Variants in CALU observed in about 807,000 individuals in gnomAD.
CALU encodes the protein IEF SSP 9302.
In CALU, 13 loss-of-function variants were observed where a neutral mutation model predicts 37.5. The ratio of observed to expected loss-of-function variants is 0.35; its 90% confidence interval spans 0.23 to 0.55. The LOEUF (loss-of-function observed/expected upper bound fraction) is 0.55, where lower values mean the gene tolerates loss of function less well. CALU is among the 20% of genes least tolerant of loss of function. The pLI, the probability that CALU is intolerant of heterozygous loss-of-function variation, is 0.89. For missense variants in CALU, 282 were observed against 391.7 expected (o/e 0.72, Z 2.36); for synonymous variants, 114 against 133.8 (o/e 0.85, Z 1.02).
chr7:128,752,499 C>T (rs917257724), intron 2 of CALU, among the ~76,000 whole-genome samples: 1 of 152,118 alleles, frequency 6.6e-6, no homozygotes, highest in Non-Finnish European at 1.5e-5. Context: ...TATTTCTGAA[C>T]TGTACAGTGG....
At chr7:128,767,012 CAG>C (rs1346529430) in intron 5 of CALU, among the ~76,000 whole-genome samples, 2 of 152,166 alleles carry the variant, frequency 1.3e-5, no homozygotes, top group African/African-American at 4.8e-5. Context: ...TACTCCTTGA[CAG>C]TGTTCCTGTT....
In CALU at chr7:128,768,847, C is replaced by CAAAAAAAAAAAAAAAAAAAAAAAAAA. The variant is rs1012831963; in HGVS notation, c.844-195_844-194insAAAAAAAAAAAAAAAAAAAAAAAAAA. Reference sequence around the variant, plus strand: ...GGGCAACAAGAGCGAAACTCCGTCTCAAAAAAAAAAAAAAAAAAAAACAAG... The same window carrying CAAAAAAAAAAAAAAAAAAAAAAAAAA: ...GGGCAACAAGAGCGAAACTCCGTCTCAAAAAAAAAAAAAAAAAAAAAAAAAAAAAAAAAAAAAAAAAAAAAAACAAG... On this transcript the variant is annotated intron_variant, in intron 6 of 6. Transcript: ENST00000249364. Among the ~76,000 whole-genome samples the CAAAAAAAAAAAAAAAAAAAAAAAAAA allele has an allele frequency of 7.2e-4, 40 of 55,190 alleles. 2 individuals carry two copies. The highest frequency in any genetic ancestry group is 1.2e-3 in the African/African-American group (14 of 11,572). The allele number at this position is 55,190 out of a possible 152,430, so 36.2% of individuals were successfully genotyped here.
chr7:128,760,396 A>G (rs191922276), intron 5 of CALU, among the ~76,000 whole-genome samples: 8 of 152,354 alleles, frequency 5.3e-5, no homozygotes, highest in Admixed American at 5.2e-4. Context: ...TCTAATAGCC[A>G]CATTAAAAAG....
intron 5 of CALU, among the ~76,000 whole-genome samples, chr7:128,764,905 C>T (rs62479586): frequency 1.3e-5 from 2 of 152,058 alleles, no homozygotes; most frequent in Admixed American, 6.5e-5. Context: ...ACATTTTACA[C>T]GCATCCTGTT....
At chr7:128,767,709 G>A in intron 6 of CALU, 54 bp downstream of exon 6, 2 of 1,412,330 alleles carry the variant, frequency 1.4e-6, no homozygotes, top group Admixed American at 1.8e-5. Context: ...TGCTTCTAGG[G>A]GATCACCTGA....
rs11288081 is a variant in CALU at position 128,766,425 on chromosome 7, CTTTTTTTTTTTT to C, written c.644-1021_644-1010del. 6.3e-5 allele frequency among the ~76,000 whole-genome samples: 6 copies of C among 94,976 alleles called. No individual in the cohort carries two copies. In the East Asian group the frequency reaches 2.0e-3, roughly 32 times the overall value. 62.3% of individuals were successfully genotyped at this position (94,976 alleles called of 152,430 possible). The stretch of plus-strand genomic sequence containing the variant: ...AAGACTGACACTAGTATTTCTTTTT[CTTTTTTTTTTTT>C]TTTTTTTTTGAGACGGAGTCTTGCT... On this transcript the variant is annotated intron_variant, in intron 5 of 6. Transcript: ENST00000249364.
chr7:128,766,638 A>G (rs531861778), intron 5 of CALU, among the ~76,000 whole-genome samples: 1 of 152,134 alleles, frequency 6.6e-6, no homozygotes, highest in South Asian at 2.1e-4. Context: ...CATTTTGGCC[A>G]GGCTGGTCTC....
chr7:128,767,328 A>C, intron 5 of CALU, 128 bp from the exon 6 acceptor site: 1 of 727,696 alleles, frequency 1.4e-6, no homozygotes, highest in Non-Finnish European at 2.5e-6. Flanking sequence ...TGTCTGGCCT[A>C]AAATACCCTT....
chr7:128,742,932 A>G (rs1217616440), intron 1 of CALU, among the ~76,000 whole-genome samples: 1 of 152,378 alleles, frequency 6.6e-6, no homozygotes, highest in East Asian at 1.9e-4. Context: ...CATGCTGTCC[A>G]ATAAAAATAT....
At position 128,772,637 on chromosome 7, in the gene CALU, A is replaced by G. The variant is rs779283336; in HGVS notation, c.*3470A>G. 1.2e-6 allele frequency: 2 copies of G among 1,614,128 alleles called. No homozygotes were observed. Among genetic ancestry groups the G allele is most frequent in the Admixed American group, 1.7e-5 (1 of 60,016 alleles). On this transcript the variant is annotated 3_prime_UTR_variant, in exon 7 of 7. Transcript: ENST00000249364. ...ATCTGTCATGGCCTTCCCACACACC[A>G]TCTTCATGATGCAAGCTTGGAACTG...
At chr7:128,741,036 A>G (rs1250796623) in intron 1 of CALU, among the ~76,000 whole-genome samples, 1 of 152,186 alleles carries the variant, frequency 6.6e-6, no homozygotes, top group Non-Finnish European at 1.5e-5. Flanking sequence ...ACCCTAGTAC[A>G]TTGGTGTTAA....
chr7:128,756,307 G>C (rs1800881824), intron 3 of CALU, among the ~76,000 whole-genome samples: 2 of 152,242 alleles, frequency 1.3e-5, no homozygotes, highest in Non-Finnish European at 2.9e-5. Context: ...GTATGATTAT[G>C]TGCATAAAAA....
intron 3 of CALU, chr7:128,754,788 C>T: frequency 2.1e-6 from 2 of 933,450 alleles, no homozygotes; most frequent in South Asian, 3.6e-5. Context: ...ATGGGTCACA[C>T]AGTAAAGGAA....
chr7:128,745,420 AC>A (rs1309563825), intron 1 of CALU, among the ~76,000 whole-genome samples: 1 of 150,464 alleles, frequency 6.6e-6, no homozygotes, highest in African/African-American at 2.4e-5. Flanking sequence ...AGTCTGGGCA[AC>A]ATAGTGAGAC....
intron 1 of CALU, among the ~76,000 whole-genome samples, chr7:128,741,455 G>A (rs529369433): frequency 6.6e-6 from 1 of 152,222 alleles, no homozygotes; most frequent in Non-Finnish European, 1.5e-5. Flanking sequence ...TTCCAGAAAT[G>A]TCGATTCTAA....
At chr7:128,765,208 C>T (rs1801284839) in intron 5 of CALU, among the ~76,000 whole-genome samples, 1 of 152,104 alleles carries the variant, frequency 6.6e-6, no homozygotes, top group Admixed American at 6.6e-5. Context: ...AGCCACCCGA[C>T]CTCCTGTTTC....
At position 128,761,088 on chromosome 7, in the gene CALU, C is replaced by T. The variant is rs1030568569; in HGVS notation, c.643+1236C>T. On this transcript the variant is annotated intron_variant, in intron 5 of 6. Transcript: ENST00000249364. ...TATTTTCTCTCTGATTCTCTGACTA[C>T]TTTCCTTTTGTTTTTTAAGTTTCTC... 9.2e-5 allele frequency among the ~76,000 whole-genome samples: 14 copies of T among 152,228 alleles called. No homozygotes were observed. The East Asian group carries it at 1.7e-3, about 19-fold the overall frequency.
At chr7:128,757,361 G>A in intron 3 of CALU, among the ~76,000 whole-genome samples, 1 of 146,142 alleles carries the variant, frequency 6.8e-6, no homozygotes, top group South Asian at 2.3e-4. Flanking sequence ...GGCTTTGAGT[G>A]TGTGTGTGTG....
chr7:128,748,469 A>G, intron 1 of CALU, 104 bp from the exon 2 acceptor site: 12 of 1,158,470 alleles, frequency 1.0e-5, no homozygotes, highest in Non-Finnish European at 1.3e-5. Context: ...TTGCATAGAT[A>G]TGTATATCAA....
Sources: allele counts gnomAD v4.1 joint callset (sites outside exome capture counted in the v4.1 genomes callset), GRCh38; gene constraint gnomAD v4.1.1; transcripts MANE v1.5; gene names NCBI Gene and HGNC (gene_info 2026-07-23, HGNC 2026-07-21).